The following DSCAM variants were observed in gnomAD, a reference collection of about 807,000 sequenced individuals.
The protein encoded by DSCAM is cell adhesion molecule DSCAM.
A neutral mutation model predicts 217.7 loss-of-function variants in DSCAM; 47 were observed. That is an observed-to-expected ratio of 0.22 (90% CI 0.17 to 0.28). The LOEUF (loss-of-function observed/expected upper bound fraction) is 0.28. Among genes scored for constraint, DSCAM ranks in the 10% least tolerant of loss-of-function variants. The pLI, the probability that DSCAM is intolerant of heterozygous loss-of-function variation, is 1.00. For missense variants in DSCAM, 2,080 were observed against 2,618.3 expected, an observed-to-expected ratio of 0.79 and a Z score of 4.49; for synonymous variants, 1,056 against 1,015.3, an observed-to-expected ratio of 1.04 and a Z score of -0.76.
At chr21:40,832,271 T>C (rs1005378649) in intron 1 of DSCAM, among the ~76,000 whole-genome samples, 1 of 152,228 alleles carries the variant, frequency 6.6e-6, no homozygotes, top group Non-Finnish European at 1.5e-5. Flanking sequence ...ATTGTTTTTA[T>C]GATCATTACT....
At chr21:40,176,308 T>C (rs527981245) in intron 15 of DSCAM, among the ~76,000 whole-genome samples, 13 of 152,146 alleles carry the variant, frequency 8.5e-5, no homozygotes, top group Admixed American at 2.6e-4. Flanking sequence ...TAAGTGTCAT[T>C]GCAAAGTAGT....
chr21:40,117,052 TA>T (rs2089979776), intron 20 of DSCAM, among the ~76,000 whole-genome samples: 1 of 96,288 alleles, frequency 1.0e-5, no homozygotes, highest in Non-Finnish European at 2.2e-5. Flanking sequence ...GTCATTTAAA[TA>T]AAATGATGGA....
intron 3 of DSCAM, among the ~76,000 whole-genome samples, chr21:40,599,775 T>C (rs1029275206): frequency 6.6e-6 from 1 of 152,066 alleles, no homozygotes; most frequent in African/African-American, 2.4e-5. Context: ...AAAGGGGATA[T>C]CACCACTGAC....
chr21:40,135,165 G>A (rs577669244), intron 18 of DSCAM, among the ~76,000 whole-genome samples: 17 of 152,324 alleles, frequency 1.1e-4, no homozygotes, highest in African/African-American at 1.9e-4. Context: ...GGCTGTCAGC[G>A]ACACATTGGT....
chr21:40,054,895 T>G (rs2146503409), intron 29 of DSCAM, among the ~76,000 whole-genome samples: 2 of 152,326 alleles, frequency 1.3e-5, no homozygotes, highest in South Asian at 4.1e-4. Context: ...CTTTCATATG[T>G]TGGTTGAAAG....
intron 3 of DSCAM, among the ~76,000 whole-genome samples, chr21:40,547,965 G>A (rs1198867215): frequency 6.6e-6 from 1 of 152,190 alleles, no homozygotes; most frequent in Non-Finnish European, 1.5e-5. Flanking sequence ...CGTGGCATCA[G>A]TAAGGGGCGC....
At chr21:40,210,282 C>A (rs1601443758) in intron 11 of DSCAM, among the ~76,000 whole-genome samples, 1 of 152,344 alleles carries the variant, frequency 6.6e-6, no homozygotes, top group East Asian at 1.9e-4. Flanking sequence ...AGGGGCTCTC[C>A]CTTCTCCAAA....
intron 1 of DSCAM, among the ~76,000 whole-genome samples, chr21:40,812,236 C>G (rs985457817): frequency 7.9e-5 from 12 of 152,232 alleles, no homozygotes; most frequent in African/African-American, 2.9e-4. Context: ...CATCTGACCT[C>G]ATAAACTGCC....
intron 1 of DSCAM, among the ~76,000 whole-genome samples, chr21:40,801,420 C>CA (rs1487505580): frequency 6.6e-6 from 1 of 152,090 alleles, no homozygotes; most frequent in Admixed American, 6.5e-5. Flanking sequence ...GCTCAGAGAC[C>CA]ATTTGCTAAA....
intron 11 of DSCAM, among the ~76,000 whole-genome samples, chr21:40,274,235 G>A (rs78506069): frequency 2.7e-4 from 41 of 152,212 alleles, no homozygotes; most frequent in Non-Finnish European, 5.4e-4. Flanking sequence ...TGGGGGCATC[G>A]TCCATTCTTG....
At chr21:40,360,291 C>T (rs949334462) in intron 4 of DSCAM, among the ~76,000 whole-genome samples, 8 of 151,812 alleles carry the variant, frequency 5.3e-5, no homozygotes, top group African/African-American at 1.9e-4. Flanking sequence ...TACCACCACG[C>T]CCGGCTAATT....
intron 10 of DSCAM, among the ~76,000 whole-genome samples, chr21:40,290,622 A>G (rs1162847710): frequency 6.6e-6 from 1 of 152,176 alleles, no homozygotes; most frequent in Non-Finnish European, 1.5e-5. Context: ...CTCCATCACA[A>G]AAATAAAAAA....
intron 1 of DSCAM, among the ~76,000 whole-genome samples, chr21:40,798,411 T>C (rs181730947): frequency 1.0e-3 from 159 of 152,174 alleles, no homozygotes; most frequent in African/African-American, 3.7e-3. Context: ...ATAAACAAAA[T>C]TAAAAGGCAA....
chr21:40,068,247 GT>G (rs2089239726), intron 27 of DSCAM, among the ~76,000 whole-genome samples: 1 of 152,146 alleles, frequency 6.6e-6, no homozygotes, highest in South Asian at 2.1e-4. Flanking sequence ...AGAATAACTG[GT>G]CATCTGTCTT....
At chr21:40,177,108 G>A (rs549350816) in intron 15 of DSCAM, among the ~76,000 whole-genome samples, 1 of 152,356 alleles carries the variant, frequency 6.6e-6, no homozygotes, top group African/African-American at 2.4e-5. Flanking sequence ...TGGGCTGAAG[G>A]ATGGGGACAG....
chr21:40,228,089 A>G (rs1472003056), intron 11 of DSCAM, among the ~76,000 whole-genome samples: 1 of 152,096 alleles, frequency 6.6e-6, no homozygotes, highest in African/African-American at 2.4e-5. Flanking sequence ...TTTTAGGCTG[A>G]GGTTATGAGA....
intron 1 of DSCAM, among the ~76,000 whole-genome samples, chr21:40,732,514 A>G (rs1249425909): frequency 6.6e-6 from 1 of 152,224 alleles, no homozygotes; most frequent in African/African-American, 2.4e-5. Flanking sequence ...CAATAACTTC[A>G]TCTCCTTGGA....
At chr21:40,417,309 C>T (rs2075381525) in intron 3 of DSCAM, among the ~76,000 whole-genome samples, 1 of 151,968 alleles carries the variant, frequency 6.6e-6, no homozygotes, top group African/African-American at 2.4e-5. Flanking sequence ...TATACATGTG[C>T]CATGTTGGTG....
chr21:40,052,761 A>T (rs958770699), intron 29 of DSCAM, among the ~76,000 whole-genome samples: 1 of 152,096 alleles, frequency 6.6e-6, no homozygotes, highest in Non-Finnish European at 1.5e-5. Flanking sequence ...TACATGATTC[A>T]CTTGTCAGAC....
Sources: gnomAD v4.1 joint callset for allele counts (sites outside exome capture counted in the v4.1 genomes callset) on GRCh38, gnomAD v4.1.1 for gene constraint, MANE v1.5 for transcripts, NCBI Gene and HGNC (gene_info 2026-07-23, HGNC 2026-07-21) for gene names.